Variants in SMG6 observed in about 807,000 individuals in gnomAD.
SMG6 encodes the protein telomerase-binding protein EST1A.
In SMG6, 66 loss-of-function variants were observed where a neutral mutation model predicts 142.2. That is an observed-to-expected ratio of 0.46 (90% CI 0.38 to 0.57). The LOEUF (loss-of-function observed/expected upper bound fraction) is 0.57, where lower values mean the gene tolerates loss of function less well. SMG6 is among the 20% of genes least tolerant of loss of function. SMG6 has a pLI of 0.00. For synonymous variants in SMG6, 779 were observed against 702.4 expected (o/e 1.11, Z -1.72); for missense variants, 1,793 against 1,832.0 (o/e 0.98, Z 0.39).
chr17:2,220,654 T>C (rs920254206), intron 10 of SMG6, among the ~76,000 whole-genome samples: 5 of 152,188 alleles, frequency 3.3e-5, no homozygotes, highest in East Asian at 1.9e-4. Context: ...TATGAGAACA[T>C]GATTCAGTTT....
At chr17:2,116,291 C>T (rs968197529) in intron 13 of SMG6, among the ~76,000 whole-genome samples, 1 of 151,996 alleles carries the variant, frequency 6.6e-6, no homozygotes, top group Non-Finnish European at 1.5e-5. Flanking sequence ...GTTGCCCAGG[C>T]TGGTACTGAA....
rs187488558 is a variant in SMG6, at chr17:2,141,611, T to A, written c.3357+31047A>T. ...TGTGCACACCATACCCGCTAATTTT[T>A]AAAAAATTTTTTTGCAGAGGCAGGG... On this transcript the variant is annotated intron_variant, in intron 13 of 18. Coordinates refer to ENST00000263073, the MANE Select transcript of SMG6 (RefSeq NM_017575.5). 6.2e-4 allele frequency among the ~76,000 whole-genome samples: 95 copies of A among 152,246 alleles called. 1 individual carries two copies. Among genetic ancestry groups the A allele is most frequent in the East Asian group, 3.9e-3 (20 of 5,168 alleles).
chr17:2,281,774 G>GT (rs1397667821), intron 8 of SMG6, among the ~76,000 whole-genome samples: 2 of 152,044 alleles, frequency 1.3e-5, no homozygotes, highest in Non-Finnish European at 2.9e-5. Context: ...CCACCCACTG[G>GT]GTGAATTTTA....
intron 13 of SMG6, among the ~76,000 whole-genome samples, chr17:2,125,598 T>A (rs1341584152): frequency 1.3e-5 from 2 of 152,244 alleles, no homozygotes; most frequent in African/African-American, 4.8e-5. Flanking sequence ...ACAGATTCAA[T>A]GCAGTTCCTA....
At chr17:2,062,614 C>T (rs1169616142) in intron 18 of SMG6, 2 of 152,136 alleles carry the variant, frequency 1.3e-5, no homozygotes, top group Non-Finnish European at 2.9e-5. Flanking sequence ...AAGTGACATC[C>T]CTACCCTGAC....
At chr17:2,228,221 G>A (rs375097769) in intron 10 of SMG6, among the ~76,000 whole-genome samples, 6 of 151,706 alleles carry the variant, frequency 4.0e-5, no homozygotes, top group African/African-American at 1.2e-4. Context: ...ATGCCACTGC[G>A]CCCAGCTAAC....
chr17:2,164,801 G>A (rs2071283498), intron 13 of SMG6, among the ~76,000 whole-genome samples: 1 of 152,100 alleles, frequency 6.6e-6, no homozygotes, highest in South Asian at 2.1e-4. Flanking sequence ...GCCAGGCGTG[G>A]TGACGCGTGC....
At chr17:2,274,126 T>C (rs1474688638) in intron 8 of SMG6, among the ~76,000 whole-genome samples, 1 of 152,244 alleles carries the variant, frequency 6.6e-6, no homozygotes, top group African/African-American at 2.4e-5. Context: ...TTCATTTACA[T>C]ATTGTCCATG....
rs888316362 is a variant in SMG6, at chr17:2,244,870, G to T, written c.2662-151C>A. The T allele has an allele frequency of 6.2e-6, 4 of 643,196 alleles. No individual in the cohort carries two copies. In the African/African-American group the frequency reaches 7.2e-5, roughly 12 times the overall value. The allele number at this position is 643,196 out of a possible 1,614,324, so 39.8% of individuals were successfully genotyped here. A position where few individuals can be genotyped will look rare whatever the true frequency, so the allele number is the denominator to read the frequency against. ...AAATGGACATGCCCAAACTCTCACA[G>T]ACCCAGGGCACATGCCCAACAGCTG... On this transcript the variant is annotated intron_variant, in intron 8 of 18. Coordinates refer to ENST00000263073, the MANE Select transcript of SMG6 (RefSeq NM_017575.5).
chr17:2,147,859 T>C (rs1380856277), intron 13 of SMG6, among the ~76,000 whole-genome samples: 1 of 152,160 alleles, frequency 6.6e-6, no homozygotes, highest in East Asian at 1.9e-4. Flanking sequence ...TGTAAAATAG[T>C]ACAGCCGCTG....
rs541299176 is a variant in SMG6, at chr17:2,177,247, C to A, written c.3156-4388G>T. ...GTTACCCAACTGCAGCATCCTCTGA[C>A]AGATTAAGGTATGCCAGGTGAGACA... is the stretch of plus-strand genomic sequence containing the variant. On this transcript the variant is annotated intron_variant, in intron 12 of 18. Transcript: ENST00000263073. 3.1e-4 allele frequency among the ~76,000 whole-genome samples: 47 copies of A among 152,322 alleles called. 1 individual carries two copies. The South Asian group carries it at 3.1e-3, about 10-fold the overall frequency.
At chr17:2,223,336 C>T (rs531915593) in intron 10 of SMG6, among the ~76,000 whole-genome samples, 171 of 152,296 alleles carry the variant, frequency 1.1e-3, no homozygotes, top group South Asian at 5.8e-3. Context: ...GGATCACACG[C>T]GCATATTTTC....
chr17:2,249,085 G>T (rs1398156954), intron 8 of SMG6, among the ~76,000 whole-genome samples: 1 of 151,784 alleles, frequency 6.6e-6, no homozygotes, highest in African/African-American at 2.4e-5. Flanking sequence ...AGTAGAGATG[G>T]GGTTTCACCG....
intron 8 of SMG6, chr17:2,280,681 T>C: frequency 5.7e-6 from 4 of 696,600 alleles, no homozygotes; most frequent in Non-Finnish European, 7.1e-6. Flanking sequence ...AAACTAAAAA[T>C]ATATAGTTTC....
intron 8 of SMG6, among the ~76,000 whole-genome samples, chr17:2,280,200 G>A (rs1206145419): frequency 6.6e-6 from 1 of 152,120 alleles, no homozygotes; most frequent in African/African-American, 2.4e-5. Flanking sequence ...GCCTAAGAAA[G>A]CAGGTAAAAA....
chr17:2,102,628 C>T (rs2069042683), intron 13 of SMG6, among the ~76,000 whole-genome samples: 1 of 148,986 alleles, frequency 6.7e-6, no homozygotes, highest in African/African-American at 2.5e-5. Flanking sequence ...GCCTCAGCCT[C>T]GCAAAATGTT....
chr17:2,225,869 A>G (rs1429628787), intron 10 of SMG6, among the ~76,000 whole-genome samples: 1 of 152,228 alleles, frequency 6.6e-6, no homozygotes, highest in African/African-American at 2.4e-5. Context: ...CCAAAAGAAG[A>G]CAGAAGAAAA....
chr17:2,212,698 C>G (rs2072901372), intron 10 of SMG6: 1 of 152,214 alleles, frequency 6.6e-6, no homozygotes, highest in Non-Finnish European at 1.5e-5. Context: ...TGAAACCACA[C>G]CCTACCAAAC....
In SMG6 at chr17:2,194,150, CA is replaced by C. The variant is rs2072247437; in HGVS notation, c.2870-5636del. Among the ~76,000 whole-genome samples the C allele has an allele frequency of 2.0e-5, 3 of 152,150 alleles. No homozygotes were observed. The South Asian group carries it at 6.2e-4, about 32-fold the overall frequency. On this transcript the variant is annotated intron_variant, in intron 10 of 18. Coordinates refer to ENST00000263073, the MANE Select transcript of SMG6 (RefSeq NM_017575.5). ...TGAACAATGATGGAGTTGGTGGATG[CA>C]GGGGGGACCACATGTACTACTTGAG...
Sources: allele counts gnomAD v4.1 joint callset (sites outside exome capture counted in the v4.1 genomes callset), GRCh38; gene constraint gnomAD v4.1.1; transcripts MANE v1.5; gene names NCBI Gene and HGNC (gene_info 2026-07-23, HGNC 2026-07-21).